TAFA2: variants seen among roughly 807,000 people sequenced by gnomAD.
TAFA2 encodes TAFA chemokine like family member 2, also known as chemokine-like protein TAFA-2.
Under a neutral mutation model 18.8 loss-of-function variants are expected in TAFA2, and 7 were observed. That is an observed-to-expected ratio of 0.37 (90% confidence interval 0.21 to 0.70). The LOEUF is 0.70. Among genes scored for constraint, TAFA2 ranks in the 30% least tolerant of loss-of-function variants. TAFA2 has a pLI of 0.53. For synonymous variants in TAFA2, 60 were observed against 54.2 expected (o/e 1.11, Z -0.47); for missense variants, 122 against 158.1 (o/e 0.77, Z 1.23).
At chr12:61,995,234 T>C (rs1167390859) in intron 1 of TAFA2, among the ~76,000 whole-genome samples, 1 of 152,206 alleles carries the variant, frequency 6.6e-6, no homozygotes, top group African/African-American at 2.4e-5. Flanking sequence ...CACAATAGTC[T>C]TTCCTTAGTT....
At chr12:62,015,980 C>T (rs1421806661) in intron 1 of TAFA2, among the ~76,000 whole-genome samples, 1 of 152,094 alleles carries the variant, frequency 6.6e-6, no homozygotes, top group Non-Finnish European at 1.5e-5. Context: ...GTAATGGTTG[C>T]ACAACGTTAA....
chr12:61,710,912 CAATTATATTTGAAA>C (rs56245378), intron 4 of TAFA2, among the ~76,000 whole-genome samples: 67,871 of 150,596 alleles, frequency 0.45, 15,498 homozygotes, highest in African/African-American at 0.5. Context: ...TTATTTGAGT[CAATTATATTTGAAA>C]AATTATATTT....
chr12:61,945,762 C>T (rs1487049952), intron 1 of TAFA2, among the ~76,000 whole-genome samples: 1 of 140,566 alleles, frequency 7.1e-6, no homozygotes, highest in African/African-American at 2.7e-5. Context: ...ATGTGAAGGA[C>T]CTCTTCAAGG....
chr12:61,929,974 G>T (rs991223326), intron 1 of TAFA2, among the ~76,000 whole-genome samples: 1 of 147,356 alleles, frequency 6.8e-6, no homozygotes, highest in Non-Finnish European at 1.5e-5. Flanking sequence ...ATGGACACAG[G>T]AAGGGGAACA....
At chr12:62,248,190 A>T (rs1171538599) in intron 1 of TAFA2, among the ~76,000 whole-genome samples, 1 of 152,210 alleles carries the variant, frequency 6.6e-6, no homozygotes, top group African/African-American at 2.4e-5. Context: ...GCCCAACTTT[A>T]TCAGGTGTGG....
intron 4 of TAFA2, among the ~76,000 whole-genome samples, chr12:61,744,699 T>C (rs1050970001): frequency 2.0e-5 from 3 of 151,922 alleles, no homozygotes; most frequent in Non-Finnish European, 4.4e-5. Context: ...GGGGTACAGG[T>C]GAATGCCACC....
chr12:61,844,170 C>G (rs1415728495), intron 2 of TAFA2, among the ~76,000 whole-genome samples: 1 of 152,058 alleles, frequency 6.6e-6, no homozygotes, highest in African/African-American at 2.4e-5. Flanking sequence ...ATGAGAATCC[C>G]ACATTAAACT....
chr12:62,140,927 G>A (rs76514590), intron 1 of TAFA2, among the ~76,000 whole-genome samples: 2 of 152,242 alleles, frequency 1.3e-5, no homozygotes, highest in East Asian at 3.9e-4. Context: ...TGAGCCCCTG[G>A]TAGACACCAG....
intron 1 of TAFA2, among the ~76,000 whole-genome samples, chr12:62,065,101 C>G (rs968525105): frequency 2.0e-5 from 3 of 152,012 alleles, no homozygotes; most frequent in African/African-American, 4.8e-5. Context: ...AATCACACAG[C>G]CTTGTTTTTC....
intron 1 of TAFA2, among the ~76,000 whole-genome samples, chr12:61,887,836 G>A (rs1329363354): frequency 1.3e-5 from 2 of 151,550 alleles, no homozygotes; most frequent in Non-Finnish European, 2.9e-5. Flanking sequence ...GTCTATCGTT[G>A]TTGGACATTT....
chr12:61,931,395 G>A (rs1165304450), intron 1 of TAFA2, among the ~76,000 whole-genome samples: 2 of 152,106 alleles, frequency 1.3e-5, no homozygotes, highest in South Asian at 2.1e-4. Context: ...AATAAAAAAG[G>A]CACAGTGTCT....
chr12:62,237,770 C>G (rs2062844857), intron 1 of TAFA2, among the ~76,000 whole-genome samples: 2 of 152,158 alleles, frequency 1.3e-5, no homozygotes, highest in Middle Eastern at 6.3e-3. Flanking sequence ...CATTAAGCCC[C>G]AGTTTGCTTC....
intron 1 of TAFA2, among the ~76,000 whole-genome samples, chr12:62,081,506 A>T (rs1480385568): frequency 6.8e-6 from 1 of 146,516 alleles, no homozygotes; most frequent in Non-Finnish European, 1.5e-5. Context: ...TTGTTTTGAT[A>T]TGGAGTCTCT....
chr12:61,839,186 C>T (rs1873068069), intron 2 of TAFA2, among the ~76,000 whole-genome samples: 1 of 152,052 alleles, frequency 6.6e-6, no homozygotes, highest in Non-Finnish European at 1.5e-5. Flanking sequence ...AACAGCAATG[C>T]TCTACGTGCT....
At chr12:61,941,411 C>A (rs1256031552) in intron 1 of TAFA2, among the ~76,000 whole-genome samples, 2 of 152,168 alleles carry the variant, frequency 1.3e-5, no homozygotes, top group African/African-American at 2.4e-5. Context: ...GTAGGCAAAA[C>A]AAGATCTTGC....
intron 1 of TAFA2, among the ~76,000 whole-genome samples, chr12:61,868,799 A>G (rs1874466258): frequency 2.6e-5 from 4 of 152,184 alleles, no homozygotes; most frequent in Admixed American, 2.6e-4. Flanking sequence ...CAATATTTTA[A>G]GAATAAAAAC....
At chr12:62,035,465 T>A (rs946320706) in intron 1 of TAFA2, among the ~76,000 whole-genome samples, 1 of 151,934 alleles carries the variant, frequency 6.6e-6, no homozygotes, top group African/African-American at 2.4e-5. Flanking sequence ...TTCACTGAGC[T>A]CTGAAGTTCC....
chr12:61,932,805 G>T (rs919094959), intron 1 of TAFA2, among the ~76,000 whole-genome samples: 5 of 152,036 alleles, frequency 3.3e-5, no homozygotes, highest in Admixed American at 1.3e-4. Context: ...ACAAGTTTCC[G>T]GCTTTCTGCA....
intron 1 of TAFA2, among the ~76,000 whole-genome samples, chr12:61,903,359 C>T (rs1239878893): frequency 2.0e-5 from 3 of 152,200 alleles, no homozygotes; most frequent in Non-Finnish European, 4.4e-5. Context: ...TCATTTCTCT[C>T]TTCAAGTTTA....
Sources: allele counts gnomAD v4.1 joint callset (sites outside exome capture counted in the v4.1 genomes callset), GRCh38; gene constraint gnomAD v4.1.1; transcripts MANE v1.5; gene names NCBI Gene and HGNC (gene_info 2026-07-23, HGNC 2026-07-21).